DST: variants seen among roughly 807,000 people sequenced by gnomAD.
DST encodes the protein bullous pemphigoid antigen.
A neutral mutation model predicts 875.2 loss-of-function variants in DST; 253 were observed. That is an observed-to-expected ratio of 0.29 (90% CI 0.26 to 0.32). The LOEUF (loss-of-function observed/expected upper bound fraction) is 0.32, where lower values mean the gene tolerates loss of function less well. Ranked by LOEUF, DST falls within the 10% of genes least tolerant of loss-of-function variation. The pLI, the probability that DST is intolerant of heterozygous loss-of-function variation, is 1.00. For synonymous variants in DST, 3,124 were observed against 3,197.1 expected (o/e 0.98, Z 0.77); for missense variants, 8,287 against 9,111.6 (o/e 0.91, Z 3.68).
chr6:56,464,099 T>G (rs1009019737), intron 100 of DST: 1 of 397,298 alleles, frequency 2.5e-6, no homozygotes, highest in East Asian at 6.3e-5. Context: ...CAGCTACAGA[T>G]GCCCACATGG....
rs761791970 is a variant in DST at position 56,529,593 on chromosome 6, T to A, written c.17450A>T (p.Gln5817Leu). Residue 5817 changes from glutamine to leucine, a missense_variant, in exon 66 of 104, where the codon CAG becomes CTG. Gln to Leu is a moderately radical substitution (Grantham distance 113). This residue lies in a region of DST where 777 missense variants were observed against 764.8 expected (regional missense o/e 1.02). Coordinates refer to ENST00000680361, the MANE Select transcript of DST (RefSeq NM_001374736.1). The part of the protein sequence containing the change: ...EKSHSRSELL[Q>L]QALCNAKIFG... ...AATCTTAGCATTACATAAGGCCTGC[T>A]GGAGGAGCTCAGACCTGCTGTGACT... 3.7e-6 allele frequency: 6 copies of A among 1,613,770 alleles called. No homozygotes were observed. The Admixed American group carries it at 6.7e-5, about 18-fold the overall frequency.
At chr6:56,775,961 T>TA (rs1443517909) in intron 4 of DST, among the ~76,000 whole-genome samples, 1 of 152,214 alleles carries the variant, frequency 6.6e-6, no homozygotes, top group Non-Finnish European at 1.5e-5. Flanking sequence ...GGGCTGCACT[T>TA]ACAGTGCTTT....
At chr6:56,716,537 C>T (rs191113089) in intron 5 of DST, among the ~76,000 whole-genome samples, 167 of 152,268 alleles carry the variant, frequency 1.1e-3, no homozygotes, top group Non-Finnish European at 1.6e-3. Context: ...ACAATACGAG[C>T]ATTTAAACCC....
At chr6:56,759,943 T>C (rs1047314756) in intron 4 of DST, among the ~76,000 whole-genome samples, 6 of 152,222 alleles carry the variant, frequency 3.9e-5, no homozygotes, top group Non-Finnish European at 7.3e-5. Context: ...GGTCCAACCA[T>C]AGAGTATGCA....
At chr6:56,558,224 T>C (rs1369489176) in intron 58 of DST, among the ~76,000 whole-genome samples, 1 of 152,188 alleles carries the variant, frequency 6.6e-6, no homozygotes, top group African/African-American at 2.4e-5. Flanking sequence ...ATTTTGGCCT[T>C]CATCATGTGT....
At chr6:56,925,658 T>C (rs1274738171) in intron 2 of DST, among the ~76,000 whole-genome samples, 1 of 152,214 alleles carries the variant, frequency 6.6e-6, no homozygotes, top group Non-Finnish European at 1.5e-5. Flanking sequence ...TTCCAGCAGC[T>C]CAAGATGGGA....
At chr6:56,780,965 C>T (rs1194223008) in intron 4 of DST, among the ~76,000 whole-genome samples, 2 of 152,132 alleles carry the variant, frequency 1.3e-5, no homozygotes, top group Non-Finnish European at 2.9e-5. Flanking sequence ...TTTCCCAGCA[C>T]CATTTATTAA....
At chr6:56,486,478 T>C (rs1266107544) in intron 87 of DST, among the ~76,000 whole-genome samples, 1 of 151,608 alleles carries the variant, frequency 6.6e-6, no homozygotes, top group African/African-American at 2.4e-5. Context: ...ACAAAAATCA[T>C]TAAGATTAAG....
chr6:56,502,015 T>C (rs1436742539), intron 78 of DST, among the ~76,000 whole-genome samples: 4 of 152,156 alleles, frequency 2.6e-5, no homozygotes, highest in African/African-American at 9.6e-5. Context: ...AAAAATGAGT[T>C]TTAAAATTAT....
At chr6:56,935,202 G>A (rs1456221528) in intron 2 of DST, among the ~76,000 whole-genome samples, 2 of 152,128 alleles carry the variant, frequency 1.3e-5, no homozygotes, top group East Asian at 3.9e-4. Context: ...ACCCAGAACA[G>A]CTGATGATTC....
chr6:56,664,151 T>A (rs186024882), intron 10 of DST, among the ~76,000 whole-genome samples: 88 of 152,254 alleles, frequency 5.8e-4, no homozygotes, highest in Middle Eastern at 3.4e-3. Context: ...TGCAAAGCCC[T>A]CCTGCACATT....
In DST at chr6:56,768,126, TTG is replaced by T. The variant is rs537746531; in HGVS notation, c.626-32839_626-32838del. ...GAGGCAAAAGAATAACAGATCTGACTTGTGTTTAAAAAGGTAACCATTGTGTA... is the reference window on the plus strand; with the variant it reads ...GAGGCAAAAGAATAACAGATCTGACTTGTTTAAAAAGGTAACCATTGTGTA... On this transcript the variant is annotated intron_variant, in intron 4 of 103. Coordinates refer to ENST00000680361, the MANE Select transcript of DST (RefSeq NM_001374736.1). Among the ~76,000 whole-genome samples, 57 of 152,288 alleles carry T rather than the reference TTG, an allele frequency of 3.7e-4. No individual in the cohort carries two copies. In the East Asian group the frequency reaches 9.1e-3, roughly 24 times the overall value.
rs368196635 is a variant in DST, at chr6:56,608,098, C to T, written c.6530G>A (p.Arg2177Lys). 1.1e-5 allele frequency: 17 copies of T among 1,613,572 alleles called. No homozygotes were observed. The highest frequency in any genetic ancestry group is 1.6e-4 in the Middle Eastern group (1 of 6,084). ...TCCATCAAAAACATCCTCTTCTTGT[C>T]TGTAATCATGAACTGTGGAGGGTTG... ...KFQPSTVHDYRQEEDVFDGEE... is the reference protein window; with the variant it reads ...KFQPSTVHDYKQEEDVFDGEE... The change falls in exon 40 of 104, where the codon AGA (arginine) becomes AAA (lysine). Residue 2177 changes from arginine (R) to lysine (K), a missense_variant. Around this residue, in one of 10 missense-constraint regions of DST, gnomAD observed 3,138 missense variants for 3,116.6 expected, o/e 1.01. Transcript: ENST00000680361.
chr6:56,923,801 C>G (rs923683713), intron 2 of DST, among the ~76,000 whole-genome samples: 9 of 152,274 alleles, frequency 5.9e-5, no homozygotes, highest in Non-Finnish European at 1.0e-4. Flanking sequence ...CTCAAATCCA[C>G]CAGTTTAAAT....
intron 4 of DST, among the ~76,000 whole-genome samples, chr6:56,799,563 G>A (rs954082506): frequency 6.6e-6 from 1 of 150,640 alleles, no homozygotes; most frequent in African/African-American, 2.4e-5. Context: ...TGAAGGCTCA[G>A]ATGACCTTCA....
chr6:56,803,441 G>GA (rs879483316), intron 4 of DST, among the ~76,000 whole-genome samples: 116 of 151,146 alleles, frequency 7.7e-4, no homozygotes, highest in Admixed American at 1.2e-3. Flanking sequence ...TGCAAAATAT[G>GA]AAAAAAAACA....
chr6:56,462,620 T>C (rs941946227), intron 102 of DST, among the ~76,000 whole-genome samples: 2 of 152,096 alleles, frequency 1.3e-5, no homozygotes, highest in African/African-American at 2.4e-5. Context: ...AGTGATGCTC[T>C]TGCAAATCAT....
intron 4 of DST, chr6:56,843,295 A>C: frequency 8.1e-7 from 1 of 1,241,172 alleles, no homozygotes; most frequent in East Asian, 3.2e-5. Flanking sequence ...GAAGACGCAG[A>C]GCGGGGGCGC....
At chr6:56,617,113 A>G in intron 36 of DST, 2 of 1,612,740 alleles carry the variant, frequency 1.2e-6, no homozygotes, top group Non-Finnish European at 1.7e-6. Flanking sequence ...CAGTCTTAAG[A>G]CCGAGTCGCA....
Sources: gnomAD v4.1 joint callset for allele counts (sites outside exome capture counted in the v4.1 genomes callset) on GRCh38, gnomAD v4.1.1 for gene constraint, gnomAD v4.1.1 regional missense constraint, MANE v1.5 for transcripts, NCBI Gene and HGNC (gene_info 2026-07-23, HGNC 2026-07-21) for gene names.